SNX18: variants seen among roughly 807,000 people sequenced by gnomAD.
SNX18 encodes the protein sorting nexin-18.
A neutral mutation model predicts 48.7 loss-of-function variants in SNX18; 35 were observed. The observed-to-expected ratio is 0.72, with a 90% confidence interval of 0.55 to 0.95. The LOEUF (loss-of-function observed/expected upper bound fraction) is 0.95. SNX18 is among the 40% of genes least tolerant of loss of function. The pLI is 0.00. For missense variants in SNX18, 824 were observed against 871.0 expected (o/e 0.95, Z 0.68); for synonymous variants, 492 against 384.7 (o/e 1.28, Z -3.26).
chr5:54,519,664 A>ACT, intron 1 of SNX18, 91 bp downstream of exon 1: 1 of 1,614,052 alleles, frequency 6.2e-7, no homozygotes, highest in Non-Finnish European at 8.5e-7. Flanking sequence ...TGGGTTTCAG[A>ACT]ATCATATTCT....
chr5:54,587,706 C>T, the SNX18 span, among the ~76,000 whole-genome samples: 2 of 152,124 alleles, frequency 1.3e-5, no homozygotes, highest in Non-Finnish European at 2.9e-5. Context: ...TTGAAAACAC[C>T]ACCATTCATT....
chr5:54,579,909 C>G, the SNX18 span, among the ~76,000 whole-genome samples: 1 of 152,010 alleles, frequency 6.6e-6, no homozygotes, highest in Admixed American at 6.6e-5. Flanking sequence ...GGAGTTGAAC[C>G]AAAAATATAT....
chr5:54,531,474 C>T (rs1179595408), intron 1 of SNX18, among the ~76,000 whole-genome samples: 1 of 152,244 alleles, frequency 6.6e-6, no homozygotes, highest in Admixed American at 6.5e-5. Flanking sequence ...GCGATTTTCA[C>T]CAAAGCCACG....
intron 1 of SNX18, among the ~76,000 whole-genome samples, chr5:54,522,963 T>C (rs533890556): frequency 6.6e-6 from 1 of 152,306 alleles, no homozygotes; most frequent in Non-Finnish European, 1.5e-5. Flanking sequence ...TTTAGGTTAA[T>C]GGAGTTGAGC....
At chr5:54,571,300 G>A in the SNX18 span, among the ~76,000 whole-genome samples, 1 of 152,148 alleles carries the variant, frequency 6.6e-6, no homozygotes, top group African/African-American at 2.4e-5. Context: ...TAAATTACGA[G>A]GCTGCAAGCC....
At chr5:54,540,965 T>C (rs574472793) in intron 1 of SNX18, among the ~76,000 whole-genome samples, 1 of 152,324 alleles carries the variant, frequency 6.6e-6, no homozygotes, top group East Asian at 1.9e-4. Context: ...ACATTCTCAG[T>C]CTTTCTGAAT....
the SNX18 span, among the ~76,000 whole-genome samples, chr5:54,565,994 T>TA: frequency 6.6e-6 from 1 of 152,216 alleles, no homozygotes; most frequent in Non-Finnish European, 1.5e-5. Context: ...GACTGTCTTT[T>TA]GAGGGTGCTC....
chr5:54,631,169 G>A, the SNX18 span, among the ~76,000 whole-genome samples: 1 of 152,164 alleles, frequency 6.6e-6, no homozygotes, highest in South Asian at 2.1e-4. Context: ...TTTGGAGACA[G>A]CTCAGTGCTT....
the SNX18 span, among the ~76,000 whole-genome samples, chr5:54,615,500 A>G: frequency 6.6e-6 from 1 of 152,208 alleles, no homozygotes; most frequent in Admixed American, 6.5e-5. Flanking sequence ...CCAGTCTGAT[A>G]GACAGACTTA....
chr5:54,599,463 C>T, the SNX18 span, among the ~76,000 whole-genome samples: 1 of 151,952 alleles, frequency 6.6e-6, no homozygotes, highest in East Asian at 1.9e-4. Flanking sequence ...ACATTCTTCA[C>T]AAAATTAGAA....
chr5:54,526,740 G>A (rs72765724), intron 1 of SNX18, among the ~76,000 whole-genome samples: 8,242 of 152,268 alleles, frequency 0.054, 315 homozygotes, highest in Middle Eastern at 0.099. Context: ...GTCTAGCAGG[G>A]TGGAGACACT....
At chr5:54,603,657 G>A in the SNX18 span, among the ~76,000 whole-genome samples, 1 of 152,164 alleles carries the variant, frequency 6.6e-6, no homozygotes, top group African/African-American at 2.4e-5. Context: ...AAAAAAGAAA[G>A]TCAGAGTTTC....
the SNX18 span, among the ~76,000 whole-genome samples, chr5:54,634,997 C>T: frequency 2.0e-5 from 3 of 151,718 alleles, no homozygotes; most frequent in East Asian, 1.9e-4. Flanking sequence ...TTAAAGCAGC[C>T]GGAAAATAAT....
chr5:54,600,930 A>T, the SNX18 span, among the ~76,000 whole-genome samples: 1 of 152,180 alleles, frequency 6.6e-6, no homozygotes, highest in African/African-American at 2.4e-5. Context: ...CCACTATGGC[A>T]CACTTTTATC....
chr5:54,595,676 C>G, the SNX18 span, among the ~76,000 whole-genome samples: 1 of 152,170 alleles, frequency 6.6e-6, no homozygotes, highest in African/African-American at 2.4e-5. Context: ...TAATAATAAC[C>G]ATTCCAATGG....
chr5:54,622,330 C>T, the SNX18 span, among the ~76,000 whole-genome samples: 1 of 152,086 alleles, frequency 6.6e-6, no homozygotes, highest in Non-Finnish European at 1.5e-5. Context: ...GAAATCCCAT[C>T]TCTACAAAAA....
chr5:54,569,280 A>G, the SNX18 span, among the ~76,000 whole-genome samples: 1 of 152,130 alleles, frequency 6.6e-6, no homozygotes, highest in Non-Finnish European at 1.5e-5. Context: ...TTCAGGTCAA[A>G]CCTTCTATGC....
At chr5:54,647,308 A>C in the SNX18 span, among the ~76,000 whole-genome samples, 1 of 152,190 alleles carries the variant, frequency 6.6e-6, no homozygotes, top group African/African-American at 2.4e-5. Context: ...TCTCTGTCTC[A>C]TCTCATCAAG....
rs1469688388 is a variant in SNX18, at chr5:54,517,968, C to T, written c.16C>T (p.Arg6Trp). Residue 6 changes from arginine (R) to tryptophan (W), a missense_variant, in exon 1 of 2, where the codon CGG (arginine) becomes TGG (tryptophan). Arg to Trp is a moderately radical substitution (Grantham distance 101, BLOSUM62 -3). Around this residue, in one of 3 missense-constraint regions of SNX18, gnomAD observed 377 missense variants for 350.6 expected, o/e 1.08. Transcript: ENST00000381410. MALRA[R>W]ALYDFRSENP... is the part of the protein sequence containing the mutation. ...CGCCGGGACCATGGCGCTGCGCGCC[C>T]GGGCGCTGTACGACTTCAGGTCGGA... The T allele has an allele frequency of 3.3e-6, 5 of 1,521,494 alleles. No individual in the cohort carries two copies. The South Asian group carries it at 3.6e-5, about 11-fold the overall frequency. 94.2% of individuals were successfully genotyped at this position (1,521,494 alleles called of 1,614,324 possible).
Sources: gnomAD v4.1 joint callset for allele counts (sites outside exome capture counted in the v4.1 genomes callset) on GRCh38, gnomAD v4.1.1 for gene constraint, gnomAD v4.1.1 regional missense constraint, MANE v1.5 for transcripts, NCBI Gene and HGNC (gene_info 2026-07-23, HGNC 2026-07-21) for gene names.